PTPN11: variants seen among roughly 807,000 people sequenced by gnomAD.
PTPN11 encodes the protein protein tyrosine phosphatase non-receptor type 11, also known as tyrosine-protein phosphatase non-receptor type 11.
A neutral mutation model predicts 78.8 loss-of-function variants in PTPN11; 6 were observed. The observed-to-expected ratio is 0.08, with a 90% CI of 0.04 to 0.15. The LOEUF (loss-of-function observed/expected upper bound fraction) is 0.15, where lower values mean the gene tolerates loss of function less well. Among genes scored for constraint, PTPN11 ranks in the 10% least tolerant of loss-of-function variants. PTPN11 has a pLI of 1.00. For missense variants in PTPN11, 386 were observed against 744.8 expected (o/e 0.52, Z 5.61); for synonymous variants, 221 against 263.5 (o/e 0.84, Z 1.56).
intron 15 of PTPN11, among the ~76,000 whole-genome samples, chr12:112,505,449 C>CTGA (rs1304446896): frequency 6.6e-6 from 1 of 151,884 alleles, no homozygotes; most frequent in Admixed American, 6.6e-5. Context: ...GGCGGATCAC[C>CTGA]TGAGGTCAGG....
intron 7 of PTPN11, among the ~76,000 whole-genome samples, chr12:112,473,997 C>G (rs1207257851): frequency 6.6e-6 from 1 of 152,134 alleles, no homozygotes; most frequent in Non-Finnish European, 1.5e-5. Context: ...ATTCTCCCAC[C>G]TCAGCCTCCT....
intron 1 of PTPN11, among the ~76,000 whole-genome samples, chr12:112,439,885 A>AT (rs1442641332): frequency 6.6e-6 from 1 of 151,480 alleles, no homozygotes; most frequent in Admixed American, 6.6e-5. Context: ...TAGTTTTTCC[A>AT]TTTTTTTCCT....
chr12:112,443,405 C>CTTATGT (rs2037940495), intron 1 of PTPN11, among the ~76,000 whole-genome samples: 1 of 149,594 alleles, frequency 6.7e-6, no homozygotes, highest in Non-Finnish European at 1.5e-5. Context: ...GTTGCCCAGG[C>CTTATGT]TGGAGTATAA....
Position 112,499,099 on chromosome 12 carries a change from C to T in PTPN11, c.1600-3045C>T, listed in dbSNP as rs531717567. On this transcript the variant is annotated intron_variant, in intron 13 of 15. Transcript: ENST00000351677. The stretch of plus-strand genomic sequence containing the variant: ...GGTATAGAGTTTCAGTAATACAAGA[C>T]AAAAAACTTCAGAGATCTTCTATAC... Among the ~76,000 whole-genome samples, 11 of 151,496 alleles carry T rather than the reference C, an allele frequency of 7.3e-5. No individual in the cohort carries two copies. In the South Asian group the frequency reaches 1.7e-3, roughly 23 times the overall value.
chr12:112,428,466 A>G (rs1446561141), intron 1 of PTPN11, among the ~76,000 whole-genome samples: 1 of 133,846 alleles, frequency 7.5e-6, no homozygotes, highest in Non-Finnish European at 1.5e-5. Flanking sequence ...GGCTGGCCCT[A>G]TACATTAAGA....
chr12:112,462,184 C>G (rs773906841), intron 6 of PTPN11, among the ~76,000 whole-genome samples: 11 of 152,044 alleles, frequency 7.2e-5, no homozygotes, highest in African/African-American at 2.4e-4. Flanking sequence ...ATAGTGAGAC[C>G]CTGTCTCTAC....
At chr12:112,439,071 C>T (rs746745535) in intron 1 of PTPN11, among the ~76,000 whole-genome samples, 1 of 152,156 alleles carries the variant, frequency 6.6e-6, no homozygotes, top group Non-Finnish European at 1.5e-5. Flanking sequence ...CTCTCAACAA[C>T]ACTATGACAT....
At position 112,419,039 on chromosome 12, in the gene PTPN11, G is replaced by GGT. The variant is rs2037471954; in HGVS notation, c.-73_-72insGT. 2 of 1,530,078 alleles carry GGT rather than the reference G, an allele frequency of 1.3e-6. No homozygotes were observed. The highest frequency in any genetic ancestry group is 5.0e-5 in the East Asian group (2 of 40,176). 94.8% of individuals were successfully genotyped at this position (1,530,078 alleles called of 1,614,324 possible). Reference sequence around the variant, plus strand: ...TCCCGAGCGGGCCTCCCTCGGGCCAGCCCGATGTGACCGAGCCCAGCGGAG... The same window carrying GGT: ...TCCCGAGCGGGCCTCCCTCGGGCCAGGTCCCGATGTGACCGAGCCCAGCGGAG... On this transcript the variant is annotated 5_prime_UTR_variant, in exon 1 of 16. Transcript: ENST00000351677.
chr12:112,475,608 T>C (rs911332180), intron 7 of PTPN11, among the ~76,000 whole-genome samples: 1 of 152,192 alleles, frequency 6.6e-6, no homozygotes, highest in Non-Finnish European at 1.5e-5. Context: ...CTGTAGTGCA[T>C]ATGTGTATAC....
At chr12:112,432,865 CTT>C (rs749170888) in intron 1 of PTPN11, among the ~76,000 whole-genome samples, 1 of 143,948 alleles carries the variant, frequency 6.9e-6, no homozygotes. Flanking sequence ...CCATTTTTAA[CTT>C]TTTTTTTTTT....
At chr12:112,468,021 CT>C (rs2038357026) in intron 6 of PTPN11, among the ~76,000 whole-genome samples, 1 of 152,166 alleles carries the variant, frequency 6.6e-6, no homozygotes, top group South Asian at 2.1e-4. Flanking sequence ...GTTTAGACTC[CT>C]GCAGTCAGGT....
At chr12:112,453,155 T>C (rs1366256057) in intron 3 of PTPN11, 40 bp from the exon 4 acceptor site, 2 of 1,544,156 alleles carry the variant, frequency 1.3e-6, no homozygotes, top group Non-Finnish European at 8.9e-7. Context: ...CATGAACCCA[T>C]AGTAGAGCTA....
intron 1 of PTPN11, among the ~76,000 whole-genome samples, chr12:112,439,327 T>C (rs945985659): frequency 6.6e-5 from 10 of 152,168 alleles, no homozygotes; most frequent in African/African-American, 2.4e-4. Flanking sequence ...AGAGTCTCCC[T>C]CTTTTGCCGA....
At chr12:112,468,158 C>T (rs760585213) in intron 6 of PTPN11, among the ~76,000 whole-genome samples, 1 of 152,084 alleles carries the variant, frequency 6.6e-6, no homozygotes, top group Admixed American at 6.6e-5. Flanking sequence ...CTTTTTGCTG[C>T]CTGCCCCAAG....
chr12:112,439,949 A>G (rs1206625157), intron 1 of PTPN11, among the ~76,000 whole-genome samples: 1 of 152,206 alleles, frequency 6.6e-6, no homozygotes, highest in African/African-American at 2.4e-5. Flanking sequence ...CCCAATTAAC[A>G]TAATTGTTTT....
At chr12:112,433,373 G>T (rs749469362) in intron 1 of PTPN11, among the ~76,000 whole-genome samples, 1 of 152,098 alleles carries the variant, frequency 6.6e-6, no homozygotes, top group Non-Finnish European at 1.5e-5. Flanking sequence ...GTGTAAGTAC[G>T]CTCCATGATG....
chr12:112,468,326 G>C (rs1276480520), intron 6 of PTPN11, among the ~76,000 whole-genome samples: 1 of 152,166 alleles, frequency 6.6e-6, no homozygotes, highest in Non-Finnish European at 1.5e-5. Context: ...CTCCTCGAGG[G>C]CAGGGTTTAT....
chr12:112,504,550 G>T lies in PTPN11; in HGVS notation c.1713-145G>T. 1.5e-6 allele frequency: 1 copy of T among 666,012 alleles called. No homozygotes were observed. The highest frequency in any genetic ancestry group is 2.7e-6 in the Non-Finnish European group (1 of 365,606). 41.3% of individuals were successfully genotyped at this position (666,012 alleles called of 1,614,324 possible). On this transcript the variant is annotated intron_variant, in intron 14 of 15. Coordinates refer to ENST00000351677, the MANE Select transcript of PTPN11 (RefSeq NM_002834.5). This position sits in a 1 kb window ranked among gnomAD's most constrained non-coding sequence, Gnocchi z 4.7. Reference sequence around the variant, plus strand: ...TGTATGGCTATCTCTTCTCTCCCTGGGAATGTCAGGTCCTAGGCACAGGAA... The same window carrying T: ...TGTATGGCTATCTCTTCTCTCCCTGTGAATGTCAGGTCCTAGGCACAGGAA...
chr12:112,491,899 G>T (rs1266594188), intron 13 of PTPN11, among the ~76,000 whole-genome samples: 1 of 152,178 alleles, frequency 6.6e-6, no homozygotes, highest in Non-Finnish European at 1.5e-5. Context: ...TAGAGATGGA[G>T]CTTCGCCGTG....
Sources: gnomAD v4.1 joint callset for allele counts (sites outside exome capture counted in the v4.1 genomes callset) on GRCh38, gnomAD v4.1.1 for gene constraint, Gnocchi (gnomAD v3.1) non-coding constraint, MANE v1.5 for transcripts, NCBI Gene and HGNC (gene_info 2026-07-23, HGNC 2026-07-21) for gene names.